The following CASP8 variants were observed in gnomAD, a reference collection of about 807,000 sequenced individuals.
CASP8 encodes the protein caspase 8.
A neutral mutation model predicts 46.3 loss-of-function variants in CASP8; 24 were observed. That is an observed-to-expected ratio of 0.52 (90% CI 0.38 to 0.73). The LOEUF is 0.73. Ranked by LOEUF, CASP8 falls within the 30% of genes least tolerant of loss-of-function variation. The probability of loss-of-function intolerance (pLI) is 0.00; values close to 1 mark genes in which losing one functional copy is unlikely to be tolerated. For synonymous variants in CASP8, 188 were observed against 200.4 expected, an observed-to-expected ratio of 0.94 and a Z score of 0.52; for missense variants, 460 against 559.0, an observed-to-expected ratio of 0.82 and a Z score of 1.79.
chr2:201,283,594 A>G (rs1474513237), intron 7 of CASP8, among the ~76,000 whole-genome samples: 45 of 60,922 alleles, frequency 7.4e-4, no homozygotes, highest in Non-Finnish European at 8.4e-4. Context: ...TCCCTCCCGG[A>G]CGGGGCGGCT....
At chr2:201,269,689 C>G (rs1472460381) in intron 2 of CASP8, 2 of 892,610 alleles carry the variant, frequency 2.2e-6, no homozygotes, top group African/African-American at 3.3e-5. Flanking sequence ...TGTTCATTAT[C>G]ATTGAATACT....
intron 2 of CASP8, among the ~76,000 whole-genome samples, chr2:201,234,300 C>T (rs561586865): frequency 6.6e-6 from 1 of 152,238 alleles, no homozygotes; most frequent in East Asian, 1.9e-4. Context: ...AAGTATTTAG[C>T]CAAGTTTTTG....
intron 7 of CASP8, among the ~76,000 whole-genome samples, chr2:201,280,035 G>C (rs374487898): frequency 6.6e-6 from 1 of 152,028 alleles, no homozygotes; most frequent in African/African-American, 2.4e-5. Flanking sequence ...ATGAAAAAAA[G>C]ATAATGTTGA....
At chr2:201,264,529 G>T (rs1226519601) in intron 1 of CASP8, among the ~76,000 whole-genome samples, 1 of 152,062 alleles carries the variant, frequency 6.6e-6, no homozygotes, top group East Asian at 1.9e-4. Context: ...CTAGAGCAAC[G>T]ATTGACACGT....
chr2:201,248,146 G>A (rs1946620858), intron 2 of CASP8, among the ~76,000 whole-genome samples: 1 of 152,186 alleles, frequency 6.6e-6, no homozygotes. Context: ...CTTTAGTATA[G>A]TAATTAAATC....
chr2:201,257,430 C>T (rs1947074121), upstream of CASP8, among the ~76,000 whole-genome samples: 1 of 142,084 alleles, frequency 7.0e-6, no homozygotes, highest in Admixed American at 7.3e-5. Flanking sequence ...TGCAGTGAGT[C>T]AAGATCGCAC....
rs2125486028 is a variant in CASP8, at chr2:201,285,127, G to A, written c.1114G>A (p.Glu372Lys). 6.2e-7 allele frequency: 1 copy of A among 1,614,152 alleles called. No homozygotes were observed. The highest frequency in any genetic ancestry group is 1.1e-5 in the South Asian group (1 of 91,088). The change falls in exon 8 of 9, where the codon GAG (glutamate) becomes AAG (lysine). Residue 372 changes from glutamate to lysine, a missense_variant. Coordinates refer to ENST00000673742, the MANE Select transcript of CASP8 (RefSeq NM_001372051.1). ...GDNYQKGIPVETDSEEQPYLE... is the reference protein window; with the variant it reads ...GDNYQKGIPVKTDSEEQPYLE... ...TAACTACCAGAAAGGTATACCTGTTGAGACTGATTCAGAGGAGCAACCCTA... is the reference window on the plus strand; with the variant it reads ...TAACTACCAGAAAGGTATACCTGTTAAGACTGATTCAGAGGAGCAACCCTA...
intron 7 of CASP8, among the ~76,000 whole-genome samples, chr2:201,278,622 T>C (rs925744436): frequency 2.0e-5 from 3 of 151,930 alleles, no homozygotes; most frequent in South Asian, 2.1e-4. Flanking sequence ...CCGCAACCTC[T>C]GCCTCCCAGG....
Position 201,285,088 on chromosome 2 carries a change from G to C in CASP8, c.1075G>C (p.Ala359Pro), listed in dbSNP as rs1325965289. Residue 359 changes from alanine (A) to proline (P), a missense_variant, in exon 8 of 9, where the codon GCT becomes CCT. By Grantham distance (27) the Ala-to-Pro change is conservative. Transcript: ENST00000673742. ...AAAACCCAAAGTGTTTTTTATTCAG[G>C]CTTGTCAGGGGGATAACTACCAGAA... ...AGKPKVFFIQ[A>P]CQGDNYQKGI... The C allele has an allele frequency of 1.9e-6, 3 of 1,614,006 alleles. No individual in the cohort carries two copies. The highest frequency in any genetic ancestry group is 2.5e-6 in the Non-Finnish European group (3 of 1,180,030).
At position 201,266,089 on chromosome 2, in the gene CASP8, C is replaced by T. The variant is rs1947805080; in HGVS notation, c.-26-372C>T. Among the ~76,000 whole-genome samples, 1 of 152,022 alleles carries T rather than the reference C, an allele frequency of 6.6e-6. No homozygotes were observed. The highest frequency in any genetic ancestry group is 2.4e-5 in the African/African-American group (1 of 41,362). ...CCACCTCCTGGGTTCAAGCGATTCT[C>T]CTGCCCCAGCCTCCTGAGTAGCTGG... is the stretch of plus-strand genomic sequence containing the variant. On this transcript the variant is annotated intron_variant, in intron 1 of 8. Transcript: ENST00000673742. This position sits in a 1 kb window ranked among gnomAD's most constrained non-coding sequence, Gnocchi z 5.7.
rs764213462 is a variant in CASP8 at position 201,285,228 on chromosome 2, T to C, written c.1215T>C (p.Thr405=). The change falls in exon 8 of 9, where the codon ACT becomes ACC. Residue 405 remains threonine, a synonymous_variant. Transcript: ENST00000673742. ...CTGACTTTCTGCTGGGGATGGCCAC[T>C]GTGAATAACTGTGTTTCCTACCGAA... The part of the protein sequence containing the change: ...DEADFLLGMA[T]VNNCVSYRNP... The C allele has an allele frequency of 3.7e-6, 6 of 1,614,096 alleles. No individual in the cohort carries two copies. The Admixed American group carries it at 5.0e-5, about 13-fold the overall frequency.
intron 2 of CASP8, among the ~76,000 whole-genome samples, chr2:201,251,741 A>G (rs1946795578): frequency 6.6e-6 from 1 of 151,880 alleles, no homozygotes; most frequent in African/African-American, 2.4e-5. Flanking sequence ...TGTCTCTACT[A>G]AAAATACAAA....
chr2:201,282,805 G>A (rs1949182955), intron 7 of CASP8, among the ~76,000 whole-genome samples: 2 of 89,842 alleles, frequency 2.2e-5, no homozygotes, highest in African/African-American at 6.9e-5. Context: ...CGGGGCAGCC[G>A]GCCGGAAGGG....
intron 2 of CASP8, chr2:201,241,125 AGAG>A (rs764869158): frequency 7.9e-5 from 12 of 152,164 alleles, no homozygotes; most frequent in Non-Finnish European, 1.2e-4. Flanking sequence ...TGCCTCAAGG[AGAG>A]GAGAAGAAGA....
chr2:201,247,213 A>G (rs955385089), intron 2 of CASP8, among the ~76,000 whole-genome samples: 13 of 137,110 alleles, frequency 9.5e-5, no homozygotes, highest in East Asian at 2.2e-4. Context: ...AAAAAAAAAA[A>G]AAGAAGAATT....
At chr2:201,284,457 C>G (rs1282973589) in intron 7 of CASP8, among the ~76,000 whole-genome samples, 2 of 63,412 alleles carry the variant, frequency 3.2e-5, no homozygotes, top group African/African-American at 5.6e-5. Flanking sequence ...GCGGATCACT[C>G]GCGGTTAGGA....
intron 7 of CASP8, among the ~76,000 whole-genome samples, chr2:201,283,281 C>G (rs1223142193): frequency 1.0e-5 from 1 of 95,506 alleles, no homozygotes; most frequent in Non-Finnish European, 2.4e-5. Context: ...GAACCCCCAC[C>G]TCCCTCCTGG....
At chr2:201,270,009 T>C (rs1406320833) in intron 2 of CASP8, among the ~76,000 whole-genome samples, 1 of 152,230 alleles carries the variant, frequency 6.6e-6, no homozygotes, top group Non-Finnish European at 1.5e-5. Context: ...ATAAGGCAGA[T>C]GGTAATACTG....
chr2:201,247,411 G>A (rs1946579072), intron 2 of CASP8, among the ~76,000 whole-genome samples: 1 of 151,670 alleles, frequency 6.6e-6, no homozygotes, highest in Admixed American at 6.6e-5. Context: ...CCTTCTGTCT[G>A]TGACCTTGAC....
Sources: gnomAD v4.1 joint callset for allele counts (sites outside exome capture counted in the v4.1 genomes callset) on GRCh38, gnomAD v4.1.1 for gene constraint, Gnocchi (gnomAD v3.1) non-coding constraint, MANE v1.5 for transcripts, NCBI Gene and HGNC (gene_info 2026-07-23, HGNC 2026-07-21) for gene names.